Variants in KRABD5 observed in about 807,000 individuals in gnomAD.
KRABD5 encodes the protein KRAB domain containing 5.
the KRABD5 span, chr16:31,755,794 A>T: frequency 3.1e-6 from 1 of 327,380 alleles, no homozygotes; most frequent in Middle Eastern, 4.1e-4. Context: ...AGGGAAACCG[A>T]CTTTACAGAT....
At chr16:31,718,960 G>T in the KRABD5 span, among the ~76,000 whole-genome samples, 2 of 152,222 alleles carry the variant, frequency 1.3e-5, no homozygotes, top group African/African-American at 2.4e-5. Context: ...CTCACAGAAG[G>T]AATCTCTTTA....
At chr16:31,743,732 T>C in the KRABD5 span, among the ~76,000 whole-genome samples, 1 of 152,210 alleles carries the variant, frequency 6.6e-6, no homozygotes, top group Non-Finnish European at 1.5e-5. Flanking sequence ...ATTTTCACAA[T>C]GTTGATTCTT....
the KRABD5 span, among the ~76,000 whole-genome samples, chr16:31,735,387 T>C: frequency 6.6e-6 from 1 of 152,324 alleles, no homozygotes; most frequent in East Asian, 1.9e-4. Flanking sequence ...AATGCAGCTA[T>C]GTTTTTGACA....
chr16:31,747,919 A>T, the KRABD5 span, among the ~76,000 whole-genome samples: 2 of 151,690 alleles, frequency 1.3e-5, no homozygotes, highest in African/African-American at 4.9e-5. Flanking sequence ...GATTGCAAAA[A>T]TTTTCTCCCA....
At chr16:31,737,934 G>A in the KRABD5 span, among the ~76,000 whole-genome samples, 1 of 152,102 alleles carries the variant, frequency 6.6e-6, no homozygotes, top group African/African-American at 2.4e-5. Context: ...CATCTTAACA[G>A]TATTGTCTTC....
At chr16:31,743,624 T>G in the KRABD5 span, among the ~76,000 whole-genome samples, 6 of 152,190 alleles carry the variant, frequency 3.9e-5, no homozygotes, top group African/African-American at 1.4e-4. Flanking sequence ...TGATTCCATA[T>G]GAAATAAAAG....
At chr16:31,739,363 T>C in the KRABD5 span, among the ~76,000 whole-genome samples, 14 of 152,198 alleles carry the variant, frequency 9.2e-5, no homozygotes, top group Non-Finnish European at 2.9e-5. Flanking sequence ...GCACTTTGAA[T>C]ATATCATTCT....
the KRABD5 span, among the ~76,000 whole-genome samples, chr16:31,729,335 C>T: frequency 6.6e-6 from 1 of 152,148 alleles, no homozygotes; most frequent in South Asian, 2.1e-4. Context: ...TTAATTTAGC[C>T]TGTGATTCTG....
chr16:31,713,530 T>TG, the KRABD5 span: 1 of 1,481,154 alleles, frequency 6.8e-7, no homozygotes, highest in South Asian at 1.3e-5. Context: ...GTCTGGGCCC[T>TG]GAGTCCCCGC....
At chr16:31,737,489 T>A in the KRABD5 span, among the ~76,000 whole-genome samples, 1 of 152,228 alleles carries the variant, frequency 6.6e-6, no homozygotes, top group Non-Finnish European at 1.5e-5. Flanking sequence ...AGTTCATGTT[T>A]GTAAATGTGC....
the KRABD5 span, among the ~76,000 whole-genome samples, chr16:31,731,061 T>C: frequency 6.6e-6 from 1 of 152,262 alleles, no homozygotes; most frequent in East Asian, 1.9e-4. Context: ...ATGATTACTA[T>C]GGCTTTTTAA....
the KRABD5 span, chr16:31,757,345 T>A: frequency 3.3e-5 from 5 of 152,286 alleles, 1 homozygote; most frequent in Admixed American, 2.6e-4. Context: ...CACACACCTG[T>A]AATCCCAGTT....
chr16:31,753,964 A>G, the KRABD5 span: 6 of 1,540,776 alleles, frequency 3.9e-6, no homozygotes, highest in South Asian at 6.0e-5. Context: ...ACTACCTATA[A>G]CAAAAACCTC....
the KRABD5 span, among the ~76,000 whole-genome samples, chr16:31,718,044 A>G: frequency 6.6e-6 from 1 of 152,140 alleles, no homozygotes; most frequent in Non-Finnish European, 1.5e-5. Context: ...CTGGAAACCA[A>G]CCAGGCACAC....
At chr16:31,746,523 C>G in the KRABD5 span, among the ~76,000 whole-genome samples, 16 of 152,142 alleles carry the variant, frequency 1.1e-4, no homozygotes, top group Admixed American at 9.8e-4. Context: ...GGTGACCTGG[C>G]CTTTCTTTCT....
chr16:31,743,434 A>G, the KRABD5 span, among the ~76,000 whole-genome samples: 3 of 152,010 alleles, frequency 2.0e-5, no homozygotes, highest in Non-Finnish European at 4.4e-5. Context: ...ATGGTTGTAG[A>G]TGTATGGTGT....
chr16:31,754,234 A>C, the KRABD5 span: 1 of 653,620 alleles, frequency 1.5e-6, no homozygotes, highest in Non-Finnish European at 2.7e-6. Flanking sequence ...GTGATTTCTA[A>C]ATATGATCAA....
the KRABD5 span, among the ~76,000 whole-genome samples, chr16:31,742,296 T>C: frequency 1.1e-4 from 16 of 151,882 alleles, no homozygotes; most frequent in African/African-American, 2.9e-4. Context: ...CCATTGTCTA[T>C]GTTCCTTCCC....
the KRABD5 span, among the ~76,000 whole-genome samples, chr16:31,747,817 G>A: frequency 6.6e-6 from 1 of 152,150 alleles, no homozygotes; most frequent in Non-Finnish European, 1.5e-5. Context: ...CATGTCCTTT[G>A]CCCACTTTTT....
Sources: allele counts gnomAD v4.1 joint callset (sites outside exome capture counted in the v4.1 genomes callset), GRCh38; gene constraint gnomAD v4.1.1; transcripts MANE v1.5; gene names NCBI Gene and HGNC (gene_info 2026-07-23, HGNC 2026-07-21).